Variants in ZNF432 observed in about 807,000 individuals in gnomAD.
ZNF432 encodes zinc finger protein 432.
Under a neutral mutation model 13.9 loss-of-function variants are expected in ZNF432, and 10 were observed. The observed-to-expected ratio is 0.72, with a 90% CI of 0.44 to 1.22. ZNF432 has a LOEUF of 1.22. ZNF432 is among the 50% of genes most tolerant of loss of function. ZNF432 has a pLI of 0.00. For synonymous variants in ZNF432, 247 were observed against 256.2 expected (o/e 0.96, Z 0.34); for missense variants, 793 against 796.2 (o/e 1.00, Z 0.05).
chr19:52,042,680 C>T (rs1034278367), intron 2 of ZNF432, among the ~76,000 whole-genome samples: 1 of 152,068 alleles, frequency 6.6e-6, no homozygotes, highest in East Asian at 1.9e-4. Flanking sequence ...ATATTATATT[C>T]AAATAAGAGA....
chr19:52,039,559 C>A (rs1044032314), intron 4 of ZNF432, among the ~76,000 whole-genome samples: 1 of 152,038 alleles, frequency 6.6e-6, no homozygotes, highest in East Asian at 1.9e-4. Flanking sequence ...AGAGGCCAGG[C>A]ACGGTGGCTC....
Position 52,031,999 on chromosome 19 carries a change from TTTA to T in ZNF432, c.*1718_*1720del, listed in dbSNP as rs2087018780. On this transcript the variant is annotated 3_prime_UTR_variant, in exon 5 of 5. Coordinates refer to ENST00000221315, the MANE Select transcript of ZNF432 (RefSeq NM_014650.4). ...GCAACAAGAGCAGAACTCCGTGGTT[TTTA>T]TTATTATGGTTATGTAAGATAACAT... 6.6e-6 allele frequency: 1 copy of T among 152,126 alleles called. No homozygotes were observed. The highest frequency in any genetic ancestry group is 2.4e-5 in the African/African-American group (1 of 41,416). The allele number at this position is 152,126 out of a possible 1,614,324, so 9.4% of individuals were successfully genotyped here.
Position 52,047,039 on chromosome 19 carries a change from C to G in ZNF432, c.-171G>C. Reference sequence around the variant, plus strand: ...TCTTCATTTACTTCTTGTCTCTTCCCAGGGTAGCCAGGACCTGTGGACTGA... The same window carrying G: ...TCTTCATTTACTTCTTGTCTCTTCCGAGGGTAGCCAGGACCTGTGGACTGA... On this transcript the variant is annotated 5_prime_UTR_variant, in exon 2 of 5. Transcript: ENST00000221315. 1 of 641,190 alleles carries G rather than the reference C, an allele frequency of 1.6e-6. No individual in the cohort carries two copies. Among genetic ancestry groups the G allele is most frequent in the Non-Finnish European group, 2.6e-6 (1 of 387,352 alleles). 39.7% of individuals were successfully genotyped at this position (641,190 alleles called of 1,614,324 possible). A position where few individuals can be genotyped will look rare whatever the true frequency, so the allele number is the denominator to read the frequency against.
intron 2 of ZNF432, among the ~76,000 whole-genome samples, chr19:52,042,968 AT>A (rs2087149521): frequency 6.6e-6 from 1 of 152,222 alleles, no homozygotes; most frequent in African/African-American, 2.4e-5. Context: ...CAATGTCCTG[AT>A]TCTGTGGCAA....
chr19:52,041,953 A>C (rs2087140625), intron 2 of ZNF432, among the ~76,000 whole-genome samples: 1 of 152,224 alleles, frequency 6.6e-6, no homozygotes, highest in Non-Finnish European at 1.5e-5. Context: ...TTCCCAGCTA[A>C]TACTAGCATA....
chr19:52,035,330 T>G lies in ZNF432; in HGVS notation c.349A>C (p.Thr117Pro), dbSNP rs1310855037. The G allele has an allele frequency of 6.2e-7, 1 of 1,612,582 alleles. No homozygotes were observed. The highest frequency in any genetic ancestry group is 8.5e-7 in the Non-Finnish European group (1 of 1,179,678). Residue 117 changes from threonine to proline, a missense_variant, in exon 5 of 5, where the codon ACC becomes CCC. Thr to Pro is a conservative substitution (Grantham distance 38). Coordinates refer to ENST00000221315, the MANE Select transcript of ZNF432 (RefSeq NM_014650.4). ...TCCCTGAAAAGACAAAGGCTTTTGG[T>G]TTGAGAGGCAGTATTTCCAAATGCA... ...HNAFGNTASQ[T>P]KSLCLFRENH...
Position 52,033,515 on chromosome 19 carries a change from T to A in ZNF432, c.*205A>T, listed in dbSNP as rs536591114. The A allele has an allele frequency of 4.5e-5, 25 of 556,982 alleles. No homozygotes were observed. The highest frequency in any genetic ancestry group is 4.8e-4 in the Middle Eastern group (1 of 2,096). The allele number at this position is 556,982 out of a possible 1,614,324, so 34.5% of individuals were successfully genotyped here. A position where few individuals can be genotyped will look rare whatever the true frequency, so the allele number is the denominator to read the frequency against. On this transcript the variant is annotated 3_prime_UTR_variant, in exon 5 of 5. Coordinates refer to ENST00000221315, the MANE Select transcript of ZNF432 (RefSeq NM_014650.4). ...TCTCTCTCAGATGAGTAATTTTCTA[T>A]ACATTGGTACATCAAAGAATTCAGA...
rs1301423401 is a variant in ZNF432 at position 52,032,476 on chromosome 19, GC to G, written c.*1243del. On this transcript the variant is annotated 3_prime_UTR_variant, in exon 5 of 5. Transcript: ENST00000221315. ...TTTGAGGCAGAGTTTCGCTCTTGTT[GC>G]CCAGGCTGGAATGCAATGGCGCAAT... 8.0e-6 allele frequency: 1 copy of G among 125,050 alleles called. No individual in the cohort carries two copies. The highest frequency in any genetic ancestry group is 3.0e-5 in the African/African-American group (1 of 33,568). The allele number at this position is 125,050 out of a possible 1,614,324, so 7.7% of individuals were successfully genotyped here.
intron 4 of ZNF432, among the ~76,000 whole-genome samples, chr19:52,037,660 T>C (rs1458764698): frequency 6.6e-6 from 1 of 151,902 alleles, no homozygotes; most frequent in Non-Finnish European, 1.5e-5. Context: ...CATGGTGATA[T>C]GCGCCTGTAG....
rs2087019442 is a variant in ZNF432 at position 52,032,048 on chromosome 19, T to A, written c.*1672A>T. 6.6e-6 allele frequency: 1 copy of A among 152,194 alleles called. No homozygotes were observed. Among genetic ancestry groups the A allele is most frequent in the Non-Finnish European group, 1.5e-5 (1 of 68,016 alleles). The allele number at this position is 152,194 out of a possible 1,614,324, so 9.4% of individuals were successfully genotyped here. A position where few individuals can be genotyped will look rare whatever the true frequency, so the allele number is the denominator to read the frequency against. On this transcript the variant is annotated 3_prime_UTR_variant, in exon 5 of 5. Transcript: ENST00000221315. ...AACATTGATGATGCTAAGCAAAGAA[T>A]ACTCAGGAAACTTTTGTATATTTTG... is the stretch of plus-strand genomic sequence containing the variant.
chr19:52,041,523 G>C lies in ZNF432; in HGVS notation c.99C>G (p.Tyr33Ter). The C allele has an allele frequency of 6.2e-7, 1 of 1,612,154 alleles. No individual in the cohort carries two copies. The highest frequency in any genetic ancestry group is 8.5e-7 in the Non-Finnish European group (1 of 1,179,022). ...QLLGPFQKDL[Y>*]RDVMLEIYSN... ...TGTAGATCTCCAACATCACATCCCG[G>C]TACAAATCCTTCTGAAAAGGGCCCA... The change falls in exon 3 of 5, where the codon TAC becomes TAG. Residue 33 changes from tyrosine to a stop codon, truncating the protein, a stop_gained. Transcript: ENST00000221315. LOFTEE classifies it high-confidence loss of function.
At chr19:52,037,744 C>T (rs1348650340) in intron 4 of ZNF432, among the ~76,000 whole-genome samples, 2 of 146,534 alleles carry the variant, frequency 1.4e-5, no homozygotes, top group Non-Finnish European at 3.0e-5. Flanking sequence ...GAGCCAAAAT[C>T]GTGCCACTGC....
At chr19:52,035,864 ATAC>A (rs2087076383) in intron 4 of ZNF432, among the ~76,000 whole-genome samples, 2 of 152,320 alleles carry the variant, frequency 1.3e-5, no homozygotes, top group South Asian at 4.1e-4. Flanking sequence ...TTTAATGACA[ATAC>A]TACAATAATA....
At chr19:52,042,444 G>A (rs2087145457) in intron 2 of ZNF432, among the ~76,000 whole-genome samples, 2 of 152,122 alleles carry the variant, frequency 1.3e-5, no homozygotes, top group Non-Finnish European at 2.9e-5. Context: ...AGCTACTTGG[G>A]AGGGTGAGGT....
intron 4 of ZNF432, among the ~76,000 whole-genome samples, chr19:52,039,828 C>CAAAAAAAAAAA (rs562794463): frequency 3.8e-5 from 2 of 52,338 alleles, no homozygotes; most frequent in Non-Finnish European, 8.3e-5. Flanking sequence ...GACTCCATCT[C>CAAAAAAAAAAA]AAAAAAAAAA....
At position 52,046,840 on chromosome 19, in the gene ZNF432, A is replaced by G; in HGVS notation, c.15+14T>C. 1 of 1,613,562 alleles carries G rather than the reference A, an allele frequency of 6.2e-7. No individual in the cohort carries two copies. The highest frequency in any genetic ancestry group is 8.5e-7 in the Non-Finnish European group (1 of 1,179,658). Reference sequence around the variant, plus strand: ...TATGGAATAAAGGAGAGAATAAAATAGAGAAAAAGTCACCTGGGCATTGAT... The same window carrying G: ...TATGGAATAAAGGAGAGAATAAAATGGAGAAAAAGTCACCTGGGCATTGAT... On this transcript the variant is annotated intron_variant, in intron 2 of 4. Transcript: ENST00000221315.
At position 52,034,301 on chromosome 19, in the gene ZNF432, TGCA is replaced by T; in HGVS notation, c.1375_1377del (p.Cys459del). On this transcript the variant is annotated inframe_deletion, in exon 5 of 5. Coordinates refer to ENST00000221315, the MANE Select transcript of ZNF432 (RefSeq NM_014650.4). Reference sequence around the variant, plus strand: ...AAGGGGAAGCCTTTCCCACATTCACTGCATGTGTAGGGCTTCTCTCCTGTATGA... The same window carrying T: ...AAGGGGAAGCCTTTCCCACATTCACTTGTGTAGGGCTTCTCTCCTGTATGA... The T allele has an allele frequency of 6.2e-7, 1 of 1,609,726 alleles. No individual in the cohort carries two copies. Among genetic ancestry groups the T allele is most frequent in the Non-Finnish European group, 8.5e-7 (1 of 1,177,152 alleles).
intron 4 of ZNF432, 129 bp from the exon 5 acceptor site, chr19:52,035,569 G>T: frequency 1.3e-6 from 1 of 775,768 alleles, no homozygotes; most frequent in African/African-American, 1.8e-5. Flanking sequence ...GTCTCGCTCT[G>T]TTACCCAGGC....
rs1324501779 is a variant in ZNF432 at position 52,035,101 on chromosome 19, C to G, written c.578G>C (p.Ser193Thr). 1 of 1,614,032 alleles carries G rather than the reference C, an allele frequency of 6.2e-7. No individual in the cohort carries two copies. The highest frequency in any genetic ancestry group is 1.1e-5 in the South Asian group (1 of 91,056). ...TKANSTKSQV[S>T]KHQRTHEIEK... ...TATTTCATGAGTTCTCTGATGCTTACTGACTTGGGATTTAGTGCTATTGGC... is the reference window on the plus strand; with the variant it reads ...TATTTCATGAGTTCTCTGATGCTTAGTGACTTGGGATTTAGTGCTATTGGC... The change falls in exon 5 of 5, where the codon AGT becomes ACT. Residue 193 changes from serine to threonine, a missense_variant. Transcript: ENST00000221315.
Sources: allele counts gnomAD v4.1 joint callset (sites outside exome capture counted in the v4.1 genomes callset), GRCh38; gene constraint gnomAD v4.1.1; transcripts MANE v1.5; gene names NCBI Gene and HGNC (gene_info 2026-07-23, HGNC 2026-07-21).